Variants in RSRP1 observed in about 807,000 individuals in gnomAD.
RSRP1 encodes the protein arginine/serine-rich protein 1.
RSRP1 carries 37 observed loss-of-function variants against 33.0 expected under a neutral mutation model. The ratio of observed to expected loss-of-function variants is 1.12; its 90% CI spans 0.86 to 1.48. The LOEUF (loss-of-function observed/expected upper bound fraction) is 1.48. RSRP1 is among the 40% of genes most tolerant of loss of function. The pLI is 0.00. For synonymous variants in RSRP1, 167 were observed against 158.7 expected (o/e 1.05, Z -0.40); for missense variants, 402 against 385.3 (o/e 1.04, Z -0.36).
intron 2 of RSRP1, 137 bp from the exon 3 acceptor site, chr1:25,245,438 T>C (rs1639291202): frequency 2.4e-6 from 3 of 1,256,298 alleles, no homozygotes; most frequent in Non-Finnish European, 3.2e-6. Flanking sequence ...ATAGGTAAAC[T>C]AAGGTTGCCC....
Position 25,292,669 on chromosome 1 carries a change from G to A in RSRP1, c.-67+45309C>T, listed in dbSNP as rs559855911. Among the ~76,000 whole-genome samples the A allele has an allele frequency of 8.5e-5, 11 of 129,238 alleles. 2 individuals are homozygous for A. Among genetic ancestry groups the A allele is most frequent in the African/African-American group, 2.9e-4 (11 of 38,120 alleles). The allele number at this position is 129,238 out of a possible 152,430, so 84.8% of individuals were successfully genotyped here. On this transcript the variant is annotated intron_variant, in intron 1 of 1. Transcript: ENST00000561867. ...AGGTTGGGGGAGGGGGGGTAGAGAT[G>A]TGTATGAAACATCCCAGTGGAGACA...
At position 25,246,946 on chromosome 1, in the gene RSRP1, G is replaced by A; in HGVS notation, c.18C>T (p.Asn6=). The part of the protein sequence containing the change: MSNYV[N]DMWPGSPQEK... ...CCTGCGGCGAGCCCGGCCACATGTC[G>A]TTCACGTAGTTGGACATCTTCACCT... The change falls in exon 2 of 5, where the codon AAC becomes AAT. Residue 6 remains asparagine (N), a synonymous_variant. Transcript: ENST00000243189. 1 of 1,582,206 alleles carries A rather than the reference G, an allele frequency of 6.3e-7. No individual in the cohort carries two copies. The highest frequency in any genetic ancestry group is 2.3e-5 in the East Asian group (1 of 44,300).
rs569650188 is a variant in RSRP1 at position 25,296,593 on chromosome 1, C to T, written c.-67+41385G>A. ...TGGGTTCTGTATCCCCCTCCAATCT[C>T]ATCTCGAATTGTAATCCCCACGTGT... On this transcript the variant is annotated intron_variant, in intron 1 of 1. Transcript: ENST00000561867. Among the ~76,000 whole-genome samples, 2 of 131,130 alleles carry T rather than the reference C, an allele frequency of 1.5e-5. 1 individual carries two copies. Among genetic ancestry groups the T allele is most frequent in the South Asian group, 4.7e-4 (2 of 4,242 alleles). The allele number at this position is 131,130 out of a possible 152,430, so 86.0% of individuals were successfully genotyped here. A position where few individuals can be genotyped will look rare whatever the true frequency, so the allele number is the denominator to read the frequency against.
rs1265358684 is a variant in RSRP1 at position 25,332,040 on chromosome 1, GA to G, written c.-67+5937del. Among the ~76,000 whole-genome samples the G allele has an allele frequency of 2.7e-5, 3 of 112,140 alleles. 1 individual carries two copies. The South Asian group carries it at 8.3e-4, about 31-fold the overall frequency. The allele number at this position is 112,140 out of a possible 152,430, so 73.6% of individuals were successfully genotyped here. A position where few individuals can be genotyped will look rare whatever the true frequency, so the allele number is the denominator to read the frequency against. On this transcript the variant is annotated intron_variant, in intron 1 of 1. Transcript: ENST00000561867. ...CAGGCATGAGCCACCGCGCCCAGCA[GA>G]TTTTTTTTTTTTTTTTTGAGATGGA...
intron 1 of RSRP1, among the ~76,000 whole-genome samples, chr1:25,262,329 A>G (rs1308517395): frequency 5.9e-5 from 9 of 152,230 alleles, no homozygotes; most frequent in Non-Finnish European, 1.2e-4. Context: ...CCTAAGATAC[A>G]GCAGTAAACA....
chr1:25,295,849 AATTTTTTTTTTTTTTTTT>A (rs1349352109), intron 1 of RSRP1, among the ~76,000 whole-genome samples: 5 of 33,730 alleles, frequency 1.5e-4, no homozygotes, highest in African/African-American at 2.3e-4. Context: ...GAATATGGGA[AATTTTTTTTTTTTTTTTT>A]TTTTTTTTTT....
rs369751348 is a variant in RSRP1, at chr1:25,306,649, C to T, written c.-67+31329G>A. 5 of 1,378,592 alleles carry T rather than the reference C, an allele frequency of 3.6e-6. 2 individuals carry two copies. Among genetic ancestry groups the T allele is most frequent in the African/African-American group, 2.9e-5 (2 of 70,022 alleles). The allele number at this position is 1,378,592 out of a possible 1,614,324, so 85.4% of individuals were successfully genotyped here. A position where few individuals can be genotyped will look rare whatever the true frequency, so the allele number is the denominator to read the frequency against. ...CCCACAGCTCCATCATGGGCTACAACTTCAGCTTGCTGGGTCTGCTTGGAG... is the reference window on the plus strand; with the variant it reads ...CCCACAGCTCCATCATGGGCTACAATTTCAGCTTGCTGGGTCTGCTTGGAG... On this transcript the variant is annotated intron_variant, in intron 1 of 1. Transcript: ENST00000561867.
In RSRP1 at chr1:25,296,487, C is replaced by T; in HGVS notation, c.-67+41491G>A. Among the ~76,000 whole-genome samples, 2 of 122,692 alleles carry T rather than the reference C, an allele frequency of 1.6e-5. 1 individual carries two copies. The highest frequency in any genetic ancestry group is 3.9e-5 in the Non-Finnish European group (2 of 51,616). The allele number at this position is 122,692 out of a possible 152,430, so 80.5% of individuals were successfully genotyped here. On this transcript the variant is annotated intron_variant, in intron 1 of 1. Transcript: ENST00000561867. ...CTTGAGCTCCTGGCCTCAGTTGATC[C>T]ACCTGTCTCAGCCTCCCAAATTGCT...
chr1:25,334,272 A>C (rs1645051674), intron 1 of RSRP1, among the ~76,000 whole-genome samples: 1 of 131,804 alleles, frequency 7.6e-6, no homozygotes, highest in Non-Finnish European at 1.8e-5. Context: ...TCCAAAATCC[A>C]GTGGGGCAGT....
At chr1:25,297,159 T>G (rs1453771730) in intron 1 of RSRP1, among the ~76,000 whole-genome samples, 1 of 100,312 alleles carries the variant, frequency 1.0e-5, no homozygotes, top group Non-Finnish European at 2.4e-5. Context: ...TCATCTTTCT[T>G]TATCTTTCAT....
chr1:25,243,751 G>A (rs1337772320), intron 3 of RSRP1, 118 bp from the exon 4 acceptor site: 1 of 1,464,814 alleles, frequency 6.8e-7, no homozygotes, highest in Non-Finnish European at 9.0e-7. Context: ...AATCAACTTG[G>A]ATCTAACAGC....
Position 25,246,901 on chromosome 1 carries a change from G to C in RSRP1, c.63C>G (p.Thr21=), listed in dbSNP as rs941000219. ...GSPQEKDSPS[T]SRSGGSSRLS... ...GCCGGCTGGACCCGCCCGACCGCGAGGTCGAGGGCGAATCCTTCTCCTGCG... is the reference window on the plus strand; with the variant it reads ...GCCGGCTGGACCCGCCCGACCGCGACGTCGAGGGCGAATCCTTCTCCTGCG... Residue 21 remains threonine, a synonymous_variant, in exon 2 of 5, where the codon ACC becomes ACG. Coordinates refer to ENST00000243189, the MANE Select transcript of RSRP1 (RefSeq NM_020317.5). 1.9e-6 allele frequency: 3 copies of C among 1,603,384 alleles called. No homozygotes were observed. The African/African-American group carries it at 4.0e-5, about 22-fold the overall frequency.
intron 1 of RSRP1, among the ~76,000 whole-genome samples, chr1:25,273,029 A>T (rs1750382): frequency 7.6e-6 from 1 of 131,466 alleles, no homozygotes; most frequent in Non-Finnish European, 1.8e-5. Context: ...GTGGCAAGGA[A>T]TTTTTTTATT....
intron 4 of RSRP1, 130 bp from the exon 5 acceptor site, chr1:25,242,835 G>A (rs867537969): frequency 7.7e-6 from 5 of 647,052 alleles, no homozygotes; most frequent in African/African-American, 3.6e-5. Context: ...GGTGGCTCAC[G>A]CCTGTAATCC....
intron 1 of RSRP1, chr1:25,294,190 C>T: frequency 2.4e-6 from 2 of 846,426 alleles, no homozygotes; most frequent in Non-Finnish European, 4.0e-6. Flanking sequence ...ATGGCAACAG[C>T]TTTGCAGATG....
Position 25,301,061 on chromosome 1 carries a change from C to G in RSRP1, c.-67+36917G>C, listed in dbSNP as rs1053355. 3.5e-3 allele frequency: 4,757 copies of G among 1,376,594 alleles called. 899 individuals carry two copies. The African/African-American group carries it at 0.051, about 15-fold the overall frequency. 85.3% of individuals were successfully genotyped at this position (1,376,594 alleles called of 1,614,324 possible). ...GAGGGAACGGAGGATAAAGATCAGA[C>G]AGCAACGATACCCAGTTTGTCTGCC... is the stretch of plus-strand genomic sequence containing the variant. On this transcript the variant is annotated intron_variant, in intron 1 of 1. Transcript: ENST00000561867.
At chr1:25,301,605 C>T (rs1166812020) in intron 1 of RSRP1, 4 of 1,380,174 alleles carry the variant, frequency 2.9e-6, no homozygotes, top group South Asian at 1.2e-5. Flanking sequence ...CCGTGTTCAA[C>T]ACCTACTATG....
intron 1 of RSRP1, among the ~76,000 whole-genome samples, chr1:25,262,790 A>G (rs1239428491): frequency 6.6e-6 from 1 of 152,246 alleles, no homozygotes; most frequent in Non-Finnish European, 1.5e-5. Flanking sequence ...TTCCAGCTCC[A>G]AGAGAGTAAG....
intron 1 of RSRP1, among the ~76,000 whole-genome samples, chr1:25,316,371 G>A (rs1478814952): frequency 7.7e-6 from 1 of 129,666 alleles, no homozygotes; most frequent in Non-Finnish European, 1.8e-5. Context: ...TGTAATCCCA[G>A]CACTTTGGGA....
Sources: gnomAD v4.1 joint callset for allele counts (sites outside exome capture counted in the v4.1 genomes callset) on GRCh38, gnomAD v4.1.1 for gene constraint, MANE v1.5 for transcripts, NCBI Gene and HGNC (gene_info 2026-07-23, HGNC 2026-07-21) for gene names.